ARFGEF2: variants seen among roughly 807,000 people sequenced by gnomAD.
The protein encoded by ARFGEF2 is ARF guanine nucleotide exchange factor 2.
ARFGEF2 carries 74 observed loss-of-function variants against 219.9 expected under a neutral mutation model. The ratio of observed to expected loss-of-function variants is 0.34; its 90% confidence interval spans 0.28 to 0.41. The LOEUF (loss-of-function observed/expected upper bound fraction) is 0.41. ARFGEF2 is among the 10% of genes least tolerant of loss of function. The pLI is 1.00. For synonymous variants in ARFGEF2, 733 were observed against 799.2 expected, an observed-to-expected ratio of 0.92 and a Z score of 1.40; for missense variants, 1,743 against 2,218.3, an observed-to-expected ratio of 0.79 and a Z score of 4.30.
intron 28 of ARFGEF2, among the ~76,000 whole-genome samples, chr20:49,013,094 C>A (rs1456732771): frequency 1.3e-5 from 2 of 152,126 alleles, no homozygotes; most frequent in Non-Finnish European, 1.5e-5. Context: ...TTTCTACCTG[C>A]CACTTGGAAT....
intron 3 of ARFGEF2, among the ~76,000 whole-genome samples, chr20:48,950,811 A>AATATATATATATATATATAT (rs71184245): frequency 1.1e-4 from 7 of 64,480 alleles, no homozygotes; most frequent in Non-Finnish European, 1.8e-4. Context: ...AAAAAAAAAA[A>AATATATATATATATATATAT]ATATATATAT....
rs566689746 is a variant in ARFGEF2 at position 49,022,761 on chromosome 20, A to G, written c.4625-290A>G. The stretch of plus-strand genomic sequence containing the variant: ...AAAATATTTCATTTATTGTCTGTCA[A>G]CACCATGGGAGCAGAGATTTTTTTT... On this transcript the variant is annotated intron_variant, in intron 34 of 38. Transcript: ENST00000371917. 3.4e-4 allele frequency among the ~76,000 whole-genome samples: 52 copies of G among 152,236 alleles called. 1 individual carries two copies. The South Asian group carries it at 0.01, about 30-fold the overall frequency.
chr20:48,995,006 C>T (rs1267120513), intron 22 of ARFGEF2, among the ~76,000 whole-genome samples: 4 of 152,124 alleles, frequency 2.6e-5, no homozygotes, highest in Admixed American at 2.6e-4. Context: ...AGAATTATTT[C>T]TCTGGCTATA....
rs2091210324 is a variant in ARFGEF2, at chr20:48,969,218, G to A, written c.1131G>A (p.Val377=). 1 of 1,614,228 alleles carries A rather than the reference G, an allele frequency of 6.2e-7. No individual in the cohort carries two copies. The highest frequency in any genetic ancestry group is 8.5e-7 in the Non-Finnish European group (1 of 1,180,050). ...TTCTGCAGAAGGATGCCTTCCTTGT[G>A]TTCCGCTCCCTGTGCAAGCTGTCCA... ...SHVLQKDAFL[V]FRSLCKLSMK... is the part of the protein sequence containing the mutation. The change falls in exon 9 of 39, where the codon GTG becomes GTA. Residue 377 remains valine (V), a synonymous_variant. Transcript: ENST00000371917.
rs140989375 is a variant in ARFGEF2 at position 48,953,647 on chromosome 20, G to A, written c.695G>A (p.Arg232His). Residue 232 changes from arginine to histidine, a missense_variant, in exon 6 of 39, where the codon CGT becomes CAT. Transcript: ENST00000371917. ...GCAGCAGTATCCCCAAAGTTCGTTC[G>A]TTTGAAGCACAGTCAGGCACAAAGC... ...QAAAVSPKFV[R>H]LKHSQAQSKP... 5.2e-5 allele frequency: 84 copies of A among 1,613,984 alleles called. No individual in the cohort carries two copies. The highest frequency in any genetic ancestry group is 1.6e-4 in the Middle Eastern group (1 of 6,084).
In ARFGEF2 at chr20:48,983,710, C is replaced by G. The variant is rs376720405; in HGVS notation, c.1959-1019C>G. ...ATTCTCTTGGCTTTTTTCCATCCCTCAGACTTGGTAAAACATCTCTTACTC... is the reference window on the plus strand; with the variant it reads ...ATTCTCTTGGCTTTTTTCCATCCCTGAGACTTGGTAAAACATCTCTTACTC... On this transcript the variant is annotated intron_variant, in intron 14 of 38. Coordinates refer to ENST00000371917, the MANE Select transcript of ARFGEF2 (RefSeq NM_006420.3). 9.8e-5 allele frequency among the ~76,000 whole-genome samples: 15 copies of G among 152,296 alleles called. 1 individual carries two copies. Among genetic ancestry groups the G allele is most frequent in the South Asian group, 8.3e-4 (4 of 4,826 alleles).
At chr20:48,945,095 T>C (rs552437234) in intron 3 of ARFGEF2, among the ~76,000 whole-genome samples, 7 of 152,230 alleles carry the variant, frequency 4.6e-5, no homozygotes, top group South Asian at 2.1e-4. Flanking sequence ...GGTTTCTTCT[T>C]AGAGGACACT....
intron 5 of ARFGEF2, among the ~76,000 whole-genome samples, chr20:48,953,162 CT>C (rs757681809): frequency 2.3e-3 from 332 of 141,632 alleles, no homozygotes; most frequent in Middle Eastern, 3.6e-3. Flanking sequence ...TTCTTTCTTT[CT>C]TTTTTTTTTT....
chr20:49,005,150 G>A lies in ARFGEF2; in HGVS notation c.3513G>A (p.Lys1171=), dbSNP rs767044522. The A allele has an allele frequency of 1.7e-5, 27 of 1,614,170 alleles. No individual in the cohort carries two copies. The East Asian group carries it at 5.6e-4, about 33-fold the overall frequency. ...AACTCTCCATGAAGTTTCTTGAGAA[G>A]GGTGAATTAGCCAACTTCCGTTTCC... ...LRQLSMKFLE[K]GELANFRFQK... The change falls in exon 26 of 39, where the codon AAG becomes AAA. Residue 1171 remains lysine, a synonymous_variant. Coordinates refer to ENST00000371917, the MANE Select transcript of ARFGEF2 (RefSeq NM_006420.3).
At chr20:49,022,924 G>A in intron 34 of ARFGEF2, 127 bp from the exon 35 acceptor site, 1 of 1,296,864 alleles carries the variant, frequency 7.7e-7, no homozygotes, top group Non-Finnish European at 1.1e-6. Context: ...GGACCAGCCT[G>A]GAGAACGTAG....
At chr20:49,030,395 C>T (rs6019600) in intron 37 of ARFGEF2, among the ~76,000 whole-genome samples, 52,304 of 146,832 alleles carry the variant, frequency 0.36, 9,861 homozygotes, top group African/African-American at 0.5. Flanking sequence ...CCTGGGCTTA[C>T]GAGCTCTTCC....
chr20:48,990,185 AAATAAT>A (rs953296128), intron 20 of ARFGEF2, among the ~76,000 whole-genome samples: 3 of 152,116 alleles, frequency 2.0e-5, no homozygotes, highest in East Asian at 3.9e-4. Context: ...ATCTCAAAGA[AAATAAT>A]AATAATAATA....
Position 49,013,824 on chromosome 20 carries a change from C to T in ARFGEF2, c.4050-7C>T. The T allele has an allele frequency of 6.2e-7, 1 of 1,614,108 alleles. No homozygotes were observed. Reference sequence around the variant, plus strand: ...CTCTCTTCTGTGCCTGACTTTGTTTCCTCCAGGGGACTCACAGTCATGTTT... The same window carrying T: ...CTCTCTTCTGTGCCTGACTTTGTTTTCTCCAGGGGACTCACAGTCATGTTT... On this transcript the variant is annotated splice_region_variant and splice_polypyrimidine_tract_variant and intron_variant, in intron 29 of 38. Transcript: ENST00000371917.
At chr20:48,973,382 C>A in intron 12 of ARFGEF2, 98 bp downstream of exon 12, 1 of 1,315,334 alleles carries the variant, frequency 7.6e-7, no homozygotes, top group East Asian at 2.5e-5. Flanking sequence ...CTTGATACAG[C>A]AGTGAACAAA....
At chr20:48,974,023 G>A (rs570960573) in intron 12 of ARFGEF2, among the ~76,000 whole-genome samples, 2 of 151,054 alleles carry the variant, frequency 1.3e-5, no homozygotes, top group African/African-American at 2.4e-5. Flanking sequence ...TAGGGGATAC[G>A]TTGTATCCAG....
intron 28 of ARFGEF2, among the ~76,000 whole-genome samples, chr20:49,013,268 T>G (rs1249140558): frequency 6.6e-6 from 1 of 152,212 alleles, no homozygotes; most frequent in African/African-American, 2.4e-5. Flanking sequence ...TTGTCAATAC[T>G]ATTTGACCTT....
chr20:49,005,349 CTG>C, intron 26 of ARFGEF2, 128 bp downstream of exon 26: 2 of 1,128,722 alleles, frequency 1.8e-6, no homozygotes, highest in Non-Finnish European at 2.6e-6. Flanking sequence ...AATGAATAGA[CTG>C]TGATTCACAT....
intron 26 of ARFGEF2, among the ~76,000 whole-genome samples, chr20:49,008,393 T>C (rs898360406): frequency 1.3e-5 from 2 of 151,904 alleles, no homozygotes; most frequent in African/African-American, 4.8e-5. Context: ...TGAAACCCCG[T>C]CTCTACTAAA....
At chr20:48,991,415 C>G (rs945209252) in intron 21 of ARFGEF2, among the ~76,000 whole-genome samples, 1 of 152,082 alleles carries the variant, frequency 6.6e-6, no homozygotes, top group Non-Finnish European at 1.5e-5. Flanking sequence ...GCCAGTGTCC[C>G]CCATGAAGTG....
Sources: gnomAD v4.1 joint callset for allele counts (sites outside exome capture counted in the v4.1 genomes callset) on GRCh38, gnomAD v4.1.1 for gene constraint, MANE v1.5 for transcripts, NCBI Gene and HGNC (gene_info 2026-07-23, HGNC 2026-07-21) for gene names.